The following NOS2 variants were observed in gnomAD, a reference collection of about 807,000 sequenced individuals.
NOS2 encodes the protein nitric oxide synthase 2.
Under a neutral mutation model 136.0 loss-of-function variants are expected in NOS2, and 96 were observed. The ratio of observed to expected loss-of-function variants is 0.71; its 90% CI spans 0.60 to 0.84. The LOEUF (loss-of-function observed/expected upper bound fraction) is 0.84. NOS2 is among the 40% of genes least tolerant of loss of function. The pLI, the probability that NOS2 is intolerant of heterozygous loss-of-function variation, is 0.00. For missense variants in NOS2, 1,237 were observed against 1,496.9 expected, an observed-to-expected ratio of 0.83 and a Z score of 2.87; for synonymous variants, 539 against 587.5, an observed-to-expected ratio of 0.92 and a Z score of 1.20.
intron 17 of NOS2, 91 bp downstream of exon 17, chr17:27,768,886 C>A: frequency 7.3e-7 from 1 of 1,368,116 alleles, no homozygotes; most frequent in South Asian, 1.5e-5. Flanking sequence ...AGGCAGAGGT[C>A]ATGCCACCTG....
intron 3 of NOS2, 112 bp downstream of exon 3, chr17:27,789,492 C>T (rs1332170699): frequency 1.1e-5 from 9 of 814,142 alleles, no homozygotes; most frequent in Non-Finnish European, 1.9e-5. Flanking sequence ...CTCCACTCTC[C>T]ATCCAAACCC....
At chr17:27,776,271 T>G (rs149008497) in intron 11 of NOS2, among the ~76,000 whole-genome samples, 193 of 152,334 alleles carry the variant, frequency 1.3e-3, no homozygotes, top group African/African-American at 4.0e-3. Context: ...ACATAAGTTA[T>G]ATATGTGTAT....
intron 14 of NOS2, 119 bp from the exon 15 acceptor site, chr17:27,771,136 G>C: frequency 8.6e-6 from 6 of 698,130 alleles, no homozygotes; most frequent in Non-Finnish European, 1.5e-5. Flanking sequence ...GTGCTCATCT[G>C]TCTCTCCCAG....
intron 2 of NOS2, among the ~76,000 whole-genome samples, chr17:27,792,767 C>G (rs1909231629): frequency 1.4e-5 from 2 of 138,778 alleles, no homozygotes; most frequent in Admixed American, 1.6e-4. Context: ...TCACTCGAGC[C>G]CAGGAGTTCA....
Position 27,760,624 on chromosome 17 carries a change from C to T in NOS2, c.3009G>A (p.Lys1003=), listed in dbSNP as rs200646693. 4 of 1,553,470 alleles carry T rather than the reference C, an allele frequency of 2.6e-6. No homozygotes were observed. Among genetic ancestry groups the T allele is most frequent in the South Asian group, 2.4e-5 (2 of 84,226 alleles). Residue 1003 remains lysine (K), a splice_region_variant and synonymous_variant, in exon 24 of 27, where the codon AAG becomes AAA. Coordinates refer to ENST00000313735, the MANE Select transcript of NOS2 (RefSeq NM_000625.4). ...CACCTGGGAAGCCTCCAGCCTTACC[C>T]TTGTGCTGGGAGTCATGGAGCCGTT... The part of the protein sequence containing the change: ...WQQRLHDSQH[K]GVRGGRMTLV...
At chr17:27,768,536 G>A (rs2872753) in intron 17 of NOS2, among the ~76,000 whole-genome samples, 90,804 of 152,004 alleles carry the variant, frequency 0.6, 27,346 homozygotes, top group Middle Eastern at 0.78. Flanking sequence ...CATGAGTGAC[G>A]AGTTCCCTAA....
In NOS2 at chr17:27,789,602, A is replaced by G. The variant is rs750504563; in HGVS notation, c.195+2T>C. On this transcript the variant is annotated splice_donor_variant, in intron 3 of 26. Coordinates refer to ENST00000313735, the MANE Select transcript of NOS2 (RefSeq NM_000625.4). LOFTEE classifies it high-confidence loss of function. ...CTTCCCACACCCATGTGACTCACTGACCTTTCCCGTCTCCACGAGGGGCTG... is the reference window on the plus strand; with the variant it reads ...CTTCCCACACCCATGTGACTCACTGGCCTTTCCCGTCTCCACGAGGGGCTG... The G allele has an allele frequency of 8.1e-6, 13 of 1,611,696 alleles. No individual in the cohort carries two copies. Among genetic ancestry groups the G allele is most frequent in the Admixed American group, 3.3e-5 (2 of 59,970 alleles).
chr17:27,787,539 C>T (rs1334866852), intron 5 of NOS2, 139 bp downstream of exon 5: 7 of 697,392 alleles, frequency 1.0e-5, no homozygotes, highest in East Asian at 8.2e-5. Flanking sequence ...CCGTGATTTT[C>T]GCTCTGCAAA....
chr17:27,798,913 T>C, intron 1 of NOS2, 31 bp from the exon 2 acceptor site: 2 of 770,972 alleles, frequency 2.6e-6, no homozygotes, highest in South Asian at 1.5e-5. Flanking sequence ...TGAGGGAAGG[T>C]TGAAGAAGAG....
Position 27,756,961 on chromosome 17 carries a change from A to C in NOS2, c.*285T>G, listed in dbSNP as rs1216869508. ...GGTCACTTGAAGTGGTGCACTCAGCAGCAAGTTCCATCTTTCACCCACTTG... is the reference window on the plus strand; with the variant it reads ...GGTCACTTGAAGTGGTGCACTCAGCCGCAAGTTCCATCTTTCACCCACTTG... On this transcript the variant is annotated 3_prime_UTR_variant, in exon 27 of 27. Coordinates refer to ENST00000313735, the MANE Select transcript of NOS2 (RefSeq NM_000625.4). The C allele has an allele frequency of 5.1e-6, 2 of 391,124 alleles. No individual in the cohort carries two copies. The highest frequency in any genetic ancestry group is 8.9e-5 in the East Asian group (2 of 22,374). 24.2% of individuals were successfully genotyped at this position (391,124 alleles called of 1,614,324 possible).
chr17:27,765,636 C>G lies in NOS2; in HGVS notation c.2327G>C (p.Cys776Ser). The change falls in exon 20 of 27, where the codon TGC (cysteine) becomes TCC (serine). Residue 776 changes from cysteine (C) to serine (S), a missense_variant. Around this residue, in one of 3 missense-constraint regions of NOS2, gnomAD observed 782 missense variants for 909.9 expected, o/e 0.86. Transcript: ENST00000313735. The part of the protein sequence containing the change: ...NYLPGEHLGV[C>S]PGNQPALVQG... ...GACCAGGGCCGGCTGGTTGCCTGGG[C>G]AAACCCCAAGGTGCTCCCCCGGCAG... 1 of 1,613,328 alleles carries G rather than the reference C, an allele frequency of 6.2e-7. No homozygotes were observed. Among genetic ancestry groups the G allele is most frequent in the Non-Finnish European group, 8.5e-7 (1 of 1,179,984 alleles).
At chr17:27,792,919 G>C (rs1909238237) in intron 2 of NOS2, among the ~76,000 whole-genome samples, 1 of 152,028 alleles carries the variant, frequency 6.6e-6, no homozygotes, top group African/African-American at 2.4e-5. Flanking sequence ...GAGCCCTGGA[G>C]GTGGAGGCTA....
chr17:27,792,863 G>A (rs985697197), intron 2 of NOS2, among the ~76,000 whole-genome samples: 1 of 146,552 alleles, frequency 6.8e-6, no homozygotes, highest in Non-Finnish European at 1.5e-5. Context: ...GGTGATGCGC[G>A]CCTGTAGTCC....
At chr17:27,787,950 A>AC in intron 4 of NOS2, 124 bp from the exon 5 acceptor site, 1 of 986,182 alleles carries the variant, frequency 1.0e-6, no homozygotes. Context: ...CCTCTTCTCC[A>AC]CCCCTGTGGC....
chr17:27,760,791 C>T (rs1597542898), intron 23 of NOS2, 47 bp from the exon 24 acceptor site: 1 of 1,528,478 alleles, frequency 6.5e-7, no homozygotes, highest in Middle Eastern at 2.3e-4. Flanking sequence ...ACACCCCAGG[C>T]CCACGCACAC....
At chr17:27,777,187 T>C (rs536936379) in intron 11 of NOS2, among the ~76,000 whole-genome samples, 2 of 152,320 alleles carry the variant, frequency 1.3e-5, no homozygotes, top group African/African-American at 2.4e-5. Context: ...TGTGTGCTCA[T>C]CTGTACTCTG....
At chr17:27,774,092 T>G (rs1421725406) in intron 12 of NOS2, among the ~76,000 whole-genome samples, 165 bp downstream of exon 12, 1 of 152,116 alleles carries the variant, frequency 6.6e-6, no homozygotes, top group Admixed American at 6.5e-5. Context: ...TCCGTGGAAA[T>G]GCACAAAGGC....
At chr17:27,773,937 G>A (rs1271096545) in intron 12 of NOS2, among the ~76,000 whole-genome samples, 5 of 152,146 alleles carry the variant, frequency 3.3e-5, no homozygotes, top group Non-Finnish European at 2.9e-5. Flanking sequence ...AATCAATAGC[G>A]TCTGACTCAG....
chr17:27,766,471 G>C, intron 19 of NOS2, 39 bp downstream of exon 19: 1 of 1,501,782 alleles, frequency 6.7e-7, no homozygotes, highest in Non-Finnish European at 9.3e-7. Flanking sequence ...AAATAAAATC[G>C]ACAGAGTATC....
Sources: allele counts gnomAD v4.1 joint callset (sites outside exome capture counted in the v4.1 genomes callset), GRCh38; gene constraint gnomAD v4.1.1; regional missense constraint gnomAD v4.1.1; transcripts MANE v1.5; gene names NCBI Gene and HGNC (gene_info 2026-07-23, HGNC 2026-07-21).